The following UBE4A variants were observed in gnomAD, a reference collection of about 807,000 sequenced individuals.
UBE4A encodes the protein ubiquitination factor E4A.
In UBE4A, 48 loss-of-function variants were observed where a neutral mutation model predicts 117.9. The ratio of observed to expected loss-of-function variants is 0.41; its 90% CI spans 0.32 to 0.52. The LOEUF is 0.52. UBE4A is among the 20% of genes least tolerant of loss of function. UBE4A has a pLI of 0.33. For synonymous variants in UBE4A, 407 were observed against 450.0 expected, an observed-to-expected ratio of 0.90 and a Z score of 1.21; for missense variants, 1,067 against 1,296.3, an observed-to-expected ratio of 0.82 and a Z score of 2.72.
chr11:118,381,300 TCA>T, intron 11 of UBE4A, 89 bp from the exon 12 acceptor site: 2 of 1,490,324 alleles, frequency 1.3e-6, no homozygotes, highest in Admixed American at 3.9e-5. Context: ...TTTTTAACCT[TCA>T]TTAAGTAGGG....
At chr11:118,370,123 G>T (rs1312853321) in intron 4 of UBE4A, among the ~76,000 whole-genome samples, 1 of 151,426 alleles carries the variant, frequency 6.6e-6, no homozygotes. Context: ...ACAAAGCCTT[G>T]CCAAATAAAA....
In UBE4A at chr11:118,396,620, C is replaced by A; in HGVS notation, c.*180C>A. ...TTATGATAGTTAAGATTCCTAAGAACTTGACAATGCTCCCCTGGCTTGCAG... is the reference window on the plus strand; with the variant it reads ...TTATGATAGTTAAGATTCCTAAGAAATTGACAATGCTCCCCTGGCTTGCAG... On this transcript the variant is annotated 3_prime_UTR_variant, in exon 20 of 20. Coordinates refer to ENST00000252108, the MANE Select transcript of UBE4A (RefSeq NM_001204077.2). The A allele has an allele frequency of 1.6e-6, 1 of 622,548 alleles. No individual in the cohort carries two copies. Among genetic ancestry groups the A allele is most frequent in the Non-Finnish European group, 2.4e-6 (1 of 417,646 alleles). 38.6% of individuals were successfully genotyped at this position (622,548 alleles called of 1,614,324 possible).
intron 11 of UBE4A, among the ~76,000 whole-genome samples, chr11:118,380,198 GC>G (rs1469422530): frequency 6.6e-6 from 1 of 150,714 alleles, no homozygotes; most frequent in Non-Finnish European, 1.5e-5. Context: ...TGAGGGGTGG[GC>G]AGGTGTTGTC....
At position 118,372,557 on chromosome 11, in the gene UBE4A, C is replaced by G. The variant is rs1948617780; in HGVS notation, c.612C>G (p.Asn204Lys). The change falls in exon 6 of 20, where the codon AAC becomes AAG. Residue 204 changes from asparagine (N) to lysine (K), a missense_variant. Physicochemically the swap from Asn to Lys is moderately conservative, Grantham distance 94. Coordinates refer to ENST00000252108, the MANE Select transcript of UBE4A (RefSeq NM_001204077.2). ...TACCCTTTGCAGTGCAGTGCAGAAACCTCACTGTGTCCAATACCCGAACAG... is the reference window on the plus strand; with the variant it reads ...TACCCTTTGCAGTGCAGTGCAGAAAGCTCACTGTGTCCAATACCCGAACAG... ...NLLPFAVQCR[N>K]LTVSNTRTVL... The G allele has an allele frequency of 6.2e-7, 1 of 1,613,918 alleles. No homozygotes were observed. Among genetic ancestry groups the G allele is most frequent in the Admixed American group, 1.7e-5 (1 of 59,926 alleles).
chr11:118,390,558 C>A, intron 17 of UBE4A, 99 bp from the exon 18 acceptor site: 1 of 899,712 alleles, frequency 1.1e-6, no homozygotes, highest in Non-Finnish European at 1.5e-6. Flanking sequence ...ATGTTCATGG[C>A]TTTTAAGTGG....
intron 1 of UBE4A, among the ~76,000 whole-genome samples, chr11:118,364,736 C>G (rs968066732): frequency 4.6e-5 from 7 of 152,000 alleles, no homozygotes; most frequent in Non-Finnish European, 1.0e-4. Flanking sequence ...ATAATTCTTT[C>G]TACTTAACCT....
rs1211917218 is a variant in UBE4A at position 118,373,565 on chromosome 11, A to T, written c.996A>T (p.Val332=). The change falls in exon 8 of 20, where the codon GTA becomes GTT. Residue 332 remains valine (V), a synonymous_variant. Coordinates refer to ENST00000252108, the MANE Select transcript of UBE4A (RefSeq NM_001204077.2). The part of the protein sequence containing the change: ...GQMYQKTLLG[V]ILSISCLLKT... ...TGTACCAGAAGACCTTGCTGGGAGT[A>T]ATTCTGAGTATCTCCTGCTTATTAA... is the stretch of plus-strand genomic sequence containing the variant. 6.2e-7 allele frequency: 1 copy of T among 1,614,192 alleles called. No individual in the cohort carries two copies. The highest frequency in any genetic ancestry group is 8.5e-7 in the Non-Finnish European group (1 of 1,180,032).
intron 4 of UBE4A, 72 bp downstream of exon 4, chr11:118,369,607 C>A: frequency 2.9e-6 from 3 of 1,035,522 alleles, no homozygotes; most frequent in Non-Finnish European, 3.0e-6. Context: ...GCTCACTGTT[C>A]TCCAACTTAT....
At chr11:118,361,052 CA>C (rs1234698507) in intron 1 of UBE4A, among the ~76,000 whole-genome samples, 13 of 149,442 alleles carry the variant, frequency 8.7e-5, no homozygotes, top group Admixed American at 1.3e-4. Context: ...CTCTGTCACC[CA>C]GGCTCTGCTC....
At chr11:118,374,413 G>GT (rs1184366935) in intron 8 of UBE4A, among the ~76,000 whole-genome samples, 1 of 152,192 alleles carries the variant, frequency 6.6e-6, no homozygotes, top group East Asian at 1.9e-4. Context: ...ATTGGGGATA[G>GT]TTTAAGTCCC....
At chr11:118,379,771 G>A (rs1555125994) in intron 11 of UBE4A, 21 bp downstream of exon 11, 1 of 1,600,120 alleles carries the variant, frequency 6.2e-7, no homozygotes, top group Non-Finnish European at 8.6e-7. Context: ...TCTCCCTTGG[G>A]AATGTCCTGT....
chr11:118,382,042 A>G (rs1488092311), intron 12 of UBE4A, among the ~76,000 whole-genome samples: 1 of 152,182 alleles, frequency 6.6e-6, no homozygotes, highest in Non-Finnish European at 1.5e-5. Context: ...CTCTGTGTAC[A>G]AAAGTGAAGA....
chr11:118,396,758 C>T lies in UBE4A; in HGVS notation c.*318C>T, dbSNP rs782697091. 5.8e-5 allele frequency: 12 copies of T among 208,388 alleles called. No homozygotes were observed. The highest frequency in any genetic ancestry group is 9.4e-5 in the Non-Finnish European group (10 of 106,016). The allele number at this position is 208,388 out of a possible 1,614,324, so 12.9% of individuals were successfully genotyped here. On this transcript the variant is annotated 3_prime_UTR_variant, in exon 20 of 20. Coordinates refer to ENST00000252108, the MANE Select transcript of UBE4A (RefSeq NM_001204077.2). Reference sequence around the variant, plus strand: ...CCTAAATGAAATTATATTATTTCAACTACTAAAACTTCCCGCCACCCTGCT... The same window carrying T: ...CCTAAATGAAATTATATTATTTCAATTACTAAAACTTCCCGCCACCCTGCT...
Position 118,368,671 on chromosome 11 carries a change from G to A in UBE4A, c.162G>A (p.Val54=), listed in dbSNP as rs1411138346. 5 of 1,614,098 alleles carry A rather than the reference G, an allele frequency of 3.1e-6. No individual in the cohort carries two copies. In the African/African-American group the frequency reaches 5.3e-5, roughly 17 times the overall value. Residue 54 remains valine, a synonymous_variant, in exon 3 of 20, where the codon GTG becomes GTA. Coordinates refer to ENST00000252108, the MANE Select transcript of UBE4A (RefSeq NM_001204077.2). The stretch of plus-strand genomic sequence containing the variant: ...GCCCAGATGACTCGGATAATAGCGT[G>A]TCAGAGAGCCTGGATGAATTCGATT... ...PASPDDSDNS[V]SESLDEFDYS...
intron 2 of UBE4A, among the ~76,000 whole-genome samples, chr11:118,365,416 T>G (rs1025108640): frequency 3.3e-5 from 5 of 152,116 alleles, no homozygotes; most frequent in African/African-American, 1.2e-4. Context: ...TCCTCTCCAC[T>G]GTACAAAAAG....
chr11:118,381,387 T>C lies in UBE4A; in HGVS notation c.1877-4T>C. The C allele has an allele frequency of 6.2e-7, 1 of 1,614,060 alleles. No individual in the cohort carries two copies. Among genetic ancestry groups the C allele is most frequent in the Non-Finnish European group, 8.5e-7 (1 of 1,179,932 alleles). The stretch of plus-strand genomic sequence containing the variant: ...CTAATTCCAGTGAATATTTTCTTTT[T>C]CAGAATTTTTTGCAGATAACCTGGG... On this transcript the variant is annotated splice_region_variant and splice_polypyrimidine_tract_variant and intron_variant, in intron 11 of 19. Transcript: ENST00000252108.
At chr11:118,378,471 G>A (rs1948672847) in intron 10 of UBE4A, 1 of 152,132 alleles carries the variant, frequency 6.6e-6, no homozygotes, top group Non-Finnish European at 1.5e-5. Flanking sequence ...TCTGTAATTT[G>A]TTTTCCTCTG....
intron 19 of UBE4A, among the ~76,000 whole-genome samples, chr11:118,393,528 GGT>G (rs1418954573): frequency 2.0e-5 from 3 of 151,422 alleles, no homozygotes; most frequent in Non-Finnish European, 4.4e-5. Context: ...TGAACTCCTG[GGT>G]TCAAGCGATC....
chr11:118,362,665 G>T (rs568286920), intron 1 of UBE4A, among the ~76,000 whole-genome samples: 1 of 152,242 alleles, frequency 6.6e-6, no homozygotes, highest in African/African-American at 2.4e-5. Flanking sequence ...ATGTTGGCTT[G>T]GTTTTAGGCT....
Sources: gnomAD v4.1 joint callset for allele counts (sites outside exome capture counted in the v4.1 genomes callset) on GRCh38, gnomAD v4.1.1 for gene constraint, MANE v1.5 for transcripts, NCBI Gene and HGNC (gene_info 2026-07-23, HGNC 2026-07-21) for gene names.